Variants in MAP3K5 observed in about 807,000 individuals in gnomAD.
The protein encoded by MAP3K5 is mitogen-activated protein kinase kinase kinase 5.
MAP3K5 carries 56 observed loss-of-function variants against 158.7 expected under a neutral mutation model. The ratio of observed to expected loss-of-function variants is 0.35; its 90% confidence interval spans 0.28 to 0.44. The LOEUF (loss-of-function observed/expected upper bound fraction) is 0.44, where lower values mean the gene tolerates loss of function less well. Among genes scored for constraint, MAP3K5 ranks in the 20% least tolerant of loss-of-function variants. The probability of loss-of-function intolerance (pLI) is 1.00; values close to 1 mark genes in which losing one functional copy is unlikely to be tolerated. For missense variants in MAP3K5, 1,294 were observed against 1,674.8 expected (o/e 0.77, Z 3.97); for synonymous variants, 579 against 601.7 (o/e 0.96, Z 0.55).
At chr6:136,694,341 A>T (rs756168722) in intron 6 of MAP3K5, 31 bp from the exon 7 acceptor site, 1 of 1,561,792 alleles carries the variant, frequency 6.4e-7, no homozygotes, top group Non-Finnish European at 8.7e-7. Context: ...GTTTCAATAT[A>T]CATTACAGAA....
At chr6:136,626,114 C>T (rs934782466) in intron 14 of MAP3K5, among the ~76,000 whole-genome samples, 4 of 152,200 alleles carry the variant, frequency 2.6e-5, no homozygotes, top group Non-Finnish European at 5.9e-5. Flanking sequence ...CTCTTGGGTA[C>T]ACACGCATGA....
At chr6:136,701,854 A>G (rs1780867650) in intron 3 of MAP3K5, among the ~76,000 whole-genome samples, 2 of 152,252 alleles carry the variant, frequency 1.3e-5, no homozygotes, top group African/African-American at 4.8e-5. Context: ...GGATAAAATT[A>G]TGTAGCCTCA....
intron 7 of MAP3K5, among the ~76,000 whole-genome samples, chr6:136,670,024 T>C (rs1320903609): frequency 6.6e-6 from 1 of 151,932 alleles, no homozygotes; most frequent in South Asian, 2.1e-4. Context: ...CACACTGAAA[T>C]GATCAATTCC....
At chr6:136,783,713 G>A (rs1784718241) in intron 1 of MAP3K5, among the ~76,000 whole-genome samples, 1 of 152,180 alleles carries the variant, frequency 6.6e-6, no homozygotes, top group Admixed American at 6.5e-5. Flanking sequence ...GGCCTCCTGG[G>A]AGGGGCCATC....
intron 7 of MAP3K5, among the ~76,000 whole-genome samples, chr6:136,686,564 C>T (rs1000763044): frequency 2.0e-5 from 3 of 152,178 alleles, no homozygotes; most frequent in African/African-American, 4.8e-5. Context: ...TGGTAAGCAA[C>T]TTCAGCAAAG....
intron 10 of MAP3K5, among the ~76,000 whole-genome samples, chr6:136,655,860 C>T (rs990758339): frequency 5.3e-5 from 8 of 152,154 alleles, no homozygotes; most frequent in Admixed American, 2.0e-4. Context: ...GGGGATATTA[C>T]ATCTAACTCT....
At chr6:136,726,966 G>A (rs957814572) in intron 1 of MAP3K5, among the ~76,000 whole-genome samples, 5 of 151,926 alleles carry the variant, frequency 3.3e-5, no homozygotes, top group Non-Finnish European at 7.4e-5. Flanking sequence ...TATGCCTTTT[G>A]TTTTTTGTTT....
chr6:136,654,549 C>A (rs975385858), intron 10 of MAP3K5, among the ~76,000 whole-genome samples: 1 of 152,088 alleles, frequency 6.6e-6, no homozygotes, highest in Non-Finnish European at 1.5e-5. Flanking sequence ...CAGGTTCAAG[C>A]GATTCTCCTG....
intron 1 of MAP3K5, among the ~76,000 whole-genome samples, chr6:136,729,476 C>T (rs1390748458): frequency 3.9e-5 from 6 of 152,266 alleles, no homozygotes; most frequent in East Asian, 1.9e-4. Flanking sequence ...CACATAGAGC[C>T]GGGACAAGAA....
intron 26 of MAP3K5, among the ~76,000 whole-genome samples, chr6:136,565,887 T>C (rs1419906372): frequency 6.6e-6 from 1 of 152,188 alleles, no homozygotes; most frequent in Non-Finnish European, 1.5e-5. Context: ...CGAGGCTGAT[T>C]ATCTGTAGAT....
intron 15 of MAP3K5, among the ~76,000 whole-genome samples, chr6:136,619,695 T>G (rs1169431554): frequency 6.6e-6 from 1 of 151,916 alleles, no homozygotes; most frequent in African/African-American, 2.4e-5. Context: ...CAGAGACCAG[T>G]TAGGAGGTGA....
intron 14 of MAP3K5, among the ~76,000 whole-genome samples, chr6:136,625,411 G>A (rs892633780): frequency 3.3e-5 from 5 of 152,158 alleles, no homozygotes; most frequent in Admixed American, 6.5e-5. Context: ...TAGTGCCTAC[G>A]CCAGGCAAAG....
intron 15 of MAP3K5, among the ~76,000 whole-genome samples, chr6:136,614,561 C>G (rs1776482608): frequency 6.6e-6 from 1 of 152,118 alleles, no homozygotes; most frequent in Non-Finnish European, 1.5e-5. Context: ...GATGAGGAAA[C>G]TGATTCACAG....
intron 1 of MAP3K5, among the ~76,000 whole-genome samples, chr6:136,765,731 T>C (rs944294137): frequency 2.7e-5 from 4 of 148,354 alleles, no homozygotes; most frequent in African/African-American, 1.0e-4. Flanking sequence ...GGTTTCACCA[T>C]GTTGACCAGG....
At chr6:136,745,143 GTTTTTTTT>G (rs11302986) in intron 1 of MAP3K5, among the ~76,000 whole-genome samples, 68 of 108,070 alleles carry the variant, frequency 6.3e-4, no homozygotes, top group Admixed American at 1.5e-3. Context: ...AGTCATTAAA[GTTTTTTTT>G]TTTTTTTTTT....
intron 7 of MAP3K5, among the ~76,000 whole-genome samples, chr6:136,678,419 G>A (rs1779794045): frequency 1.3e-5 from 2 of 151,986 alleles, no homozygotes; most frequent in Non-Finnish European, 2.9e-5. Flanking sequence ...CACACCAAAC[G>A]AGTTTTATAA....
intron 1 of MAP3K5, among the ~76,000 whole-genome samples, chr6:136,741,796 G>A (rs1233628065): frequency 6.6e-6 from 1 of 152,134 alleles, no homozygotes; most frequent in Non-Finnish European, 1.5e-5. Flanking sequence ...TTATAGCAGG[G>A]TTTCAGGATT....
intron 1 of MAP3K5, among the ~76,000 whole-genome samples, chr6:136,780,346 C>A (rs751151564): frequency 7.9e-5 from 12 of 152,184 alleles, no homozygotes; most frequent in Non-Finnish European, 1.6e-4. Flanking sequence ...TATAGAATTG[C>A]CTTACAAAAT....
Position 136,720,490 on chromosome 6 carries a change from A to C in MAP3K5, c.548T>G (p.Leu183Arg). ...AGAGTCCGAGTTAGTATCACAGTAGAGGATGATGTTGTTGGCCATGCTGAA... is the reference window on the plus strand; with the variant it reads ...AGAGTCCGAGTTAGTATCACAGTAGCGGATGATGTTGTTGGCCATGCTGAA... The part of the protein sequence containing the change: ...ESFSMANNII[L>R]YCDTNSDSLQ... The change falls in exon 2 of 30, where the codon CTC (leucine) becomes CGC (arginine). Residue 183 changes from leucine (L) to arginine (R), a missense_variant. Coordinates refer to ENST00000359015, the MANE Select transcript of MAP3K5 (RefSeq NM_005923.4). 6.2e-7 allele frequency: 1 copy of C among 1,613,176 alleles called. No individual in the cohort carries two copies. Among genetic ancestry groups the C allele is most frequent in the African/African-American group, 1.3e-5 (1 of 75,012 alleles).
Sources: allele counts gnomAD v4.1 joint callset (sites outside exome capture counted in the v4.1 genomes callset), GRCh38; gene constraint gnomAD v4.1.1; transcripts MANE v1.5; gene names NCBI Gene and HGNC (gene_info 2026-07-23, HGNC 2026-07-21).